Variants in NSD3 observed in about 807,000 individuals in gnomAD.
NSD3 encodes histone-lysine N-methyltransferase NSD3.
NSD3 carries 24 observed loss-of-function variants against 160.8 expected under a neutral mutation model. The observed-to-expected ratio is 0.15, with a 90% CI of 0.11 to 0.21. The LOEUF (loss-of-function observed/expected upper bound fraction) is 0.21, where lower values mean the gene tolerates loss of function less well. Among genes scored for constraint, NSD3 ranks in the 10% least tolerant of loss-of-function variants. The pLI, the probability that NSD3 is intolerant of heterozygous loss-of-function variation, is 1.00. For synonymous variants in NSD3, 520 were observed against 600.0 expected (o/e 0.87, Z 1.95); for missense variants, 1,157 against 1,735.9 (o/e 0.67, Z 5.93).
Position 38,275,844 on chromosome 8 carries a change from T to A in NSD3, c.4111A>T (p.Ser1371Cys). 1 of 1,614,202 alleles carries A rather than the reference T, an allele frequency of 6.2e-7. No homozygotes were observed. Among genetic ancestry groups the A allele is most frequent in the Non-Finnish European group, 8.5e-7 (1 of 1,180,038 alleles). The stretch of plus-strand genomic sequence containing the variant: ...TCACAGAAGGAAACAGCTGCACTGC[T>A]GCACTCATCGCACTGATGCCACGGA... ...ECPWHQCDEC[S>C]SAAVSFCEFC... Residue 1371 changes from serine (S) to cysteine (C), a missense_variant, in exon 24 of 24, where the codon AGC becomes TGC. Around this residue, in one of 10 missense-constraint regions of NSD3, gnomAD observed 222 missense variants for 409.9 expected, o/e 0.54. Coordinates refer to ENST00000317025, the MANE Select transcript of NSD3 (RefSeq NM_023034.2).
chr8:38,371,472 T>C (rs1242368378), intron 1 of NSD3, among the ~76,000 whole-genome samples: 1 of 152,180 alleles, frequency 6.6e-6, no homozygotes, highest in Admixed American at 6.5e-5. Flanking sequence ...AATATCAAAT[T>C]ATGATTACTT....
chr8:38,304,861 C>T, intron 13 of NSD3, 104 bp from the exon 14 acceptor site: 1 of 1,229,644 alleles, frequency 8.1e-7, no homozygotes, highest in Non-Finnish European at 1.1e-6. Flanking sequence ...ATGCTAGTTA[C>T]AGTAGATGGA....
At chr8:38,286,272 A>C (rs1477561765) in intron 19 of NSD3, among the ~76,000 whole-genome samples, 2 of 152,118 alleles carry the variant, frequency 1.3e-5, no homozygotes, top group African/African-American at 4.8e-5. Flanking sequence ...CTAGAAGCTG[A>C]AAGCAGCTCC....
intron 12 of NSD3, among the ~76,000 whole-genome samples, chr8:38,313,123 T>C (rs1809572346): frequency 6.6e-6 from 1 of 152,048 alleles, no homozygotes; most frequent in Admixed American, 6.5e-5. Context: ...ATGTGATGAA[T>C]AAAATATTTT....
intron 14 of NSD3, among the ~76,000 whole-genome samples, chr8:38,302,451 A>G (rs1386915161): frequency 6.6e-6 from 1 of 152,258 alleles, no homozygotes; most frequent in Non-Finnish European, 1.5e-5. Context: ...ACAAAGTTTC[A>G]CAGTTAAAAT....
rs35326828 is a variant in NSD3 at position 38,305,372 on chromosome 8, T to C, written c.2316A>G (p.Lys772=). Residue 772 remains lysine, a synonymous_variant, in exon 13 of 24, where the codon AAA becomes AAG. Coordinates refer to ENST00000317025, the MANE Select transcript of NSD3 (RefSeq NM_023034.2). ...TGCGGACACAGGCTTCATGATAAAA[T>C]TTCCCACAAGCACCAACAGAACAAC... The part of the protein sequence containing the change: ...VKRCSVGACG[K]FYHEACVRKF... 166 of 1,614,018 alleles carry C rather than the reference T, an allele frequency of 1.0e-4. No individual in the cohort carries two copies. In the African/African-American group the frequency reaches 2.1e-3, roughly 21 times the overall value.
At chr8:38,376,360 A>G (rs949907893) in intron 1 of NSD3, among the ~76,000 whole-genome samples, 4 of 151,578 alleles carry the variant, frequency 2.6e-5, no homozygotes, top group Non-Finnish European at 5.9e-5. Flanking sequence ...CTCCCCTTTA[A>G]CTCTTTCTAC....
intron 8 of NSD3, chr8:38,320,143 C>T (rs1809763375): frequency 7.9e-5 from 12 of 152,016 alleles, no homozygotes; most frequent in Admixed American, 7.9e-4. Flanking sequence ...GTTAAATATT[C>T]TGGAAAAACT....
At chr8:38,320,726 T>TA (rs1386840957) in intron 8 of NSD3, 1,052 of 151,000 alleles carry the variant, frequency 7.0e-3, no homozygotes, top group Middle Eastern at 0.015. Context: ...AAATCAAACT[T>TA]AAAAAAAAAA....
Position 38,338,464 on chromosome 8 carries a change from T to C in NSD3, c.747+72A>G, listed in dbSNP as rs976306658. 111 of 1,231,306 alleles carry C rather than the reference T, an allele frequency of 9.0e-5. No individual in the cohort carries two copies. The African/African-American group carries it at 1.4e-3, about 16-fold the overall frequency. The allele number at this position is 1,231,306 out of a possible 1,614,324, so 76.3% of individuals were successfully genotyped here. A position where few individuals can be genotyped will look rare whatever the true frequency, so the allele number is the denominator to read the frequency against. ...GAAGCGTAGTACCAATACAATTGTG[T>C]TGCAATTCAATCACTGTGTTTCACC... On this transcript the variant is annotated intron_variant, in intron 3 of 23. Coordinates refer to ENST00000317025, the MANE Select transcript of NSD3 (RefSeq NM_023034.2).
intron 4 of NSD3, among the ~76,000 whole-genome samples, chr8:38,332,780 A>T (rs537152214): frequency 4.6e-5 from 7 of 152,270 alleles, no homozygotes; most frequent in Admixed American, 3.3e-4. Flanking sequence ...CAGAGGTATT[A>T]GTACATAGTA....
In NSD3 at chr8:38,331,594, A is replaced by G. The variant is rs1174388301; in HGVS notation, c.911-9T>C. ...ATGATATTCTCGGGCACCTGTAAGT[A>G]AAAATTCTTATTAACCATTTCAGAA... On this transcript the variant is annotated splice_polypyrimidine_tract_variant and intron_variant, in intron 4 of 23. Coordinates refer to ENST00000317025, the MANE Select transcript of NSD3 (RefSeq NM_023034.2). 3.7e-6 allele frequency: 6 copies of G among 1,608,460 alleles called. No individual in the cohort carries two copies. The highest frequency in any genetic ancestry group is 5.1e-6 in the Non-Finnish European group (6 of 1,178,498).
At chr8:38,326,101 T>C (rs1256490846) in intron 7 of NSD3, among the ~76,000 whole-genome samples, 2 of 151,336 alleles carry the variant, frequency 1.3e-5, no homozygotes, top group African/African-American at 2.4e-5. Flanking sequence ...CGAACCGAGA[T>C]TGAGCCACTG....
chr8:38,328,101 C>G (rs550796374), intron 6 of NSD3, among the ~76,000 whole-genome samples: 1 of 151,870 alleles, frequency 6.6e-6, no homozygotes, highest in Non-Finnish European at 1.5e-5. Flanking sequence ...TTTGGAAGGC[C>G]AAGGCAGAAG....
At chr8:38,378,220 T>C (rs936013393) in intron 1 of NSD3, among the ~76,000 whole-genome samples, 13 of 151,842 alleles carry the variant, frequency 8.6e-5, no homozygotes, top group African/African-American at 3.1e-4. Flanking sequence ...ACAAACTCCA[T>C]CTTGGCCGGG....
intron 14 of NSD3, chr8:38,299,903 T>C: frequency 4.5e-6 from 1 of 220,226 alleles, no homozygotes; most frequent in Admixed American, 5.8e-5. Flanking sequence ...GCTACACTGC[T>C]TCGTATTTGG....
rs557936140 is a variant in NSD3, at chr8:38,318,505, G to C, written c.1855+390C>G. 6.6e-6 allele frequency among the ~76,000 whole-genome samples: 1 copy of C among 152,106 alleles called. No homozygotes were observed. The highest frequency in any genetic ancestry group is 1.5e-5 in the Non-Finnish European group (1 of 68,012). ...GTGGCAAGATTTTTTCAATCAGCTTGTCTTGTCTGATTTGTCATAGTCCAT... is the reference window on the plus strand; with the variant it reads ...GTGGCAAGATTTTTTCAATCAGCTTCTCTTGTCTGATTTGTCATAGTCCAT... On this transcript the variant is annotated intron_variant, in intron 9 of 23. Coordinates refer to ENST00000317025, the MANE Select transcript of NSD3 (RefSeq NM_023034.2). The surrounding 1 kb of genome is among the most constrained non-coding windows in gnomAD (Gnocchi z 5.3).
At chr8:38,358,908 G>T (rs1810890261) in intron 1 of NSD3, among the ~76,000 whole-genome samples, 1 of 150,142 alleles carries the variant, frequency 6.7e-6, no homozygotes. Flanking sequence ...TAAATGGGGG[G>T]AAAGGAACAG....
At position 38,271,411 on chromosome 8, in the gene NSD3, C is replaced by T. The variant is rs141308645; in HGVS notation, c.*4230G>A. Reference sequence around the variant, plus strand: ...TGGTAAACATTATCCCCCCCCTTACCCTTTACCAGGAGAAAGGGGGTTCCC... The same window carrying T: ...TGGTAAACATTATCCCCCCCCTTACTCTTTACCAGGAGAAAGGGGGTTCCC... On this transcript the variant is annotated 3_prime_UTR_variant, in exon 24 of 24. Coordinates refer to ENST00000317025, the MANE Select transcript of NSD3 (RefSeq NM_023034.2). 8 of 152,138 alleles carry T rather than the reference C, an allele frequency of 5.3e-5. No homozygotes were observed. Among genetic ancestry groups the T allele is most frequent in the African/African-American group, 1.9e-4 (8 of 41,512 alleles). The allele number at this position is 152,138 out of a possible 1,614,324, so 9.4% of individuals were successfully genotyped here. A position where few individuals can be genotyped will look rare whatever the true frequency, so the allele number is the denominator to read the frequency against.
Sources: allele counts gnomAD v4.1 joint callset (sites outside exome capture counted in the v4.1 genomes callset), GRCh38; gene constraint gnomAD v4.1.1; regional missense constraint gnomAD v4.1.1; non-coding constraint Gnocchi (gnomAD v3.1); transcripts MANE v1.5; gene names NCBI Gene and HGNC (gene_info 2026-07-23, HGNC 2026-07-21).